The following DGKB variants were observed in gnomAD, a reference collection of about 807,000 sequenced individuals.
DGKB encodes diacylglycerol kinase beta.
A neutral mutation model predicts 114.3 loss-of-function variants in DGKB; 67 were observed. The ratio of observed to expected loss-of-function variants is 0.59; its 90% CI spans 0.48 to 0.72. The LOEUF (loss-of-function observed/expected upper bound fraction) is 0.72. Ranked by LOEUF, DGKB falls within the 30% of genes least tolerant of loss-of-function variation. The probability of loss-of-function intolerance (pLI) is 0.00; values close to 1 mark genes in which losing one functional copy is unlikely to be tolerated. For synonymous variants in DGKB, 398 were observed against 323.1 expected, an observed-to-expected ratio of 1.23 and a Z score of -2.49; for missense variants, 907 against 975.2, an observed-to-expected ratio of 0.93 and a Z score of 0.93.
chr7:14,661,455 T>C (rs1817056186), intron 13 of DGKB, among the ~76,000 whole-genome samples: 1 of 131,122 alleles, frequency 7.6e-6, no homozygotes, highest in African/African-American at 2.7e-5. Flanking sequence ...CATGAAAAAA[T>C]GCTCACCGTC....
intron 20 of DGKB, among the ~76,000 whole-genome samples, chr7:14,503,204 A>G (rs1786478432): frequency 6.6e-6 from 1 of 152,126 alleles, no homozygotes; most frequent in Admixed American, 6.6e-5. Context: ...TCTACCTGAT[A>G]TTAATTTTTC....
At chr7:14,650,817 C>T (rs1249840713) in intron 13 of DGKB, among the ~76,000 whole-genome samples, 2 of 147,092 alleles carry the variant, frequency 1.4e-5, no homozygotes, top group African/African-American at 2.5e-5. Flanking sequence ...AAGGGGATAT[C>T]ACCACAGATC....
chr7:14,887,459 T>C (rs1780483591), intron 1 of DGKB, among the ~76,000 whole-genome samples: 1 of 151,812 alleles, frequency 6.6e-6, no homozygotes, highest in African/African-American at 2.4e-5. Flanking sequence ...TTGGACCTTC[T>C]TCTCTGTGTA....
chr7:14,872,657 T>C lies in DGKB; in HGVS notation c.-188+29935A>G, dbSNP rs190751480. Among the ~76,000 whole-genome samples the C allele has an allele frequency of 1.8e-3, 277 of 152,174 alleles. 2 individuals carry two copies. The highest frequency in any genetic ancestry group is 6.2e-3 in the African/African-American group (256 of 41,554). On this transcript the variant is annotated intron_variant, in intron 1 of 25. Transcript: ENST00000402815. ...CTAAGTTGTTGCAAAAATTCTGAAA[T>C]CAAAGCTTGTTTCACAGACATTAGA...
At chr7:14,513,294 C>T (rs77829167) in intron 20 of DGKB, among the ~76,000 whole-genome samples, 1,889 of 152,048 alleles carry the variant, frequency 0.012, 41 homozygotes, top group East Asian at 0.092. Flanking sequence ...TAAAAGTTCT[C>T]TTTTTTTAAT....
chr7:14,653,602 A>T (rs568695571), intron 13 of DGKB, among the ~76,000 whole-genome samples: 1 of 152,020 alleles, frequency 6.6e-6, no homozygotes, highest in East Asian at 1.9e-4. Context: ...ACATGTATGC[A>T]TATGTAACTA....
At chr7:14,471,777 A>G (rs893883448) in intron 21 of DGKB, among the ~76,000 whole-genome samples, 1 of 152,152 alleles carries the variant, frequency 6.6e-6, no homozygotes, top group African/African-American at 2.4e-5. Context: ...GTAGTAAGAT[A>G]TATAGAAAAA....
intron 1 of DGKB, among the ~76,000 whole-genome samples, chr7:14,892,886 G>GTGTA (rs768877525): frequency 6.7e-6 from 1 of 148,914 alleles, no homozygotes; most frequent in Non-Finnish European, 1.5e-5. Flanking sequence ...GTGTGTGTGT[G>GTGTA]TATACACATA....
At chr7:14,786,813 C>A (rs1839967030) in intron 2 of DGKB, among the ~76,000 whole-genome samples, 1 of 152,230 alleles carries the variant, frequency 6.6e-6, no homozygotes, top group Admixed American at 6.5e-5. Flanking sequence ...CAAGGGGCCA[C>A]TGAGGATGGC....
intron 8 of DGKB, among the ~76,000 whole-genome samples, chr7:14,695,498 T>TATTTATTTA (rs1200675190): frequency 1.7e-5 from 2 of 117,766 alleles, no homozygotes; most frequent in African/African-American, 6.8e-5. Flanking sequence ...CTCTCTCTTT[T>TATTTATTTA]TTTTTTTTTT....
At chr7:14,718,809 C>A in intron 5 of DGKB, 124 bp from the exon 6 acceptor site, 1 of 700,290 alleles carries the variant, frequency 1.4e-6, no homozygotes, top group Non-Finnish European at 2.3e-6. Context: ...CATAGAATAA[C>A]CAAATTCTCT....
chr7:14,857,937 A>G (rs749711738), intron 1 of DGKB, among the ~76,000 whole-genome samples: 28 of 152,150 alleles, frequency 1.8e-4, no homozygotes, highest in Non-Finnish European at 3.1e-4. Flanking sequence ...TATGTGTCCA[A>G]TGTGAATGTA....
chr7:14,300,690 C>T (rs1803390106), intron 23 of DGKB, among the ~76,000 whole-genome samples: 1 of 151,926 alleles, frequency 6.6e-6, no homozygotes, highest in African/African-American at 2.4e-5. Flanking sequence ...TAATATTAAG[C>T]ATATTGATTT....
intron 21 of DGKB, among the ~76,000 whole-genome samples, chr7:14,410,537 C>A (rs1374047570): frequency 1.1e-4 from 16 of 152,058 alleles, no homozygotes; most frequent in African/African-American, 3.4e-4. Context: ...AACATTTATC[C>A]ATTGTTAATA....
chr7:14,754,761 G>A (rs957167271), intron 3 of DGKB, among the ~76,000 whole-genome samples: 1 of 152,160 alleles, frequency 6.6e-6, no homozygotes, highest in Non-Finnish European at 1.5e-5. Context: ...ACAAGAGTAG[G>A]TGGAGGCTAA....
At chr7:14,413,611 T>C (rs1825244912) in intron 21 of DGKB, among the ~76,000 whole-genome samples, 1 of 151,736 alleles carries the variant, frequency 6.6e-6, no homozygotes, top group Non-Finnish European at 1.5e-5. Context: ...CGGGATAGAG[T>C]AGGAGATATA....
chr7:14,398,824 G>A (rs551164701), intron 21 of DGKB, among the ~76,000 whole-genome samples: 2 of 151,690 alleles, frequency 1.3e-5, no homozygotes, highest in South Asian at 4.1e-4. Context: ...ACAAGAGGGA[G>A]GCAAGATATT....
intron 25 of DGKB, among the ~76,000 whole-genome samples, chr7:14,167,660 C>G (rs1202690208): frequency 6.6e-6 from 1 of 152,100 alleles, no homozygotes; most frequent in East Asian, 1.9e-4. Flanking sequence ...ATATCATCAC[C>G]AAGTTTTCAG....
chr7:14,711,962 A>G (rs187902391), intron 6 of DGKB, among the ~76,000 whole-genome samples: 2 of 152,338 alleles, frequency 1.3e-5, no homozygotes, highest in African/African-American at 2.4e-5. Context: ...ACTCACCTAT[A>G]CAACTACTAC....
Sources: gnomAD v4.1 joint callset for allele counts (sites outside exome capture counted in the v4.1 genomes callset) on GRCh38, gnomAD v4.1.1 for gene constraint, MANE v1.5 for transcripts, NCBI Gene and HGNC (gene_info 2026-07-23, HGNC 2026-07-21) for gene names.